The following GMDS variants were observed in gnomAD, a reference collection of about 807,000 sequenced individuals.
GMDS encodes the protein GDP-mannose 4,6 dehydratase.
GMDS carries 20 observed loss-of-function variants against 49.9 expected under a neutral mutation model. That is an observed-to-expected ratio of 0.40 (90% CI 0.28 to 0.58). GMDS has a LOEUF of 0.58. GMDS is among the 20% of genes least tolerant of loss of function. The pLI is 0.42. For missense variants in GMDS, 362 were observed against 481.4 expected, an observed-to-expected ratio of 0.75 and a Z score of 2.32; for synonymous variants, 177 against 178.6, an observed-to-expected ratio of 0.99 and a Z score of 0.07.
intron 7 of GMDS, among the ~76,000 whole-genome samples, chr6:1,768,250 A>G (rs1396013313): frequency 6.6e-6 from 1 of 152,250 alleles, no homozygotes; most frequent in Non-Finnish European, 1.5e-5. Context: ...ACAATGTCAT[A>G]GAGACATGCT....
intron 9 of GMDS, among the ~76,000 whole-genome samples, chr6:1,650,307 G>GA (rs35471224): frequency 0.03 from 4,452 of 147,832 alleles, 81 homozygotes; most frequent in Non-Finnish European, 0.046. Context: ...TCATGCCCAG[G>GA]AAAAAAAAAA....
chr6:1,756,265 GT>G (rs142574141), intron 7 of GMDS, among the ~76,000 whole-genome samples: 169 of 140,310 alleles, frequency 1.2e-3, no homozygotes, highest in Admixed American at 1.6e-3. Context: ...TTTTGTTCTG[GT>G]TTTTTTTTTT....
chr6:1,999,130 T>A (rs966863001), intron 4 of GMDS, among the ~76,000 whole-genome samples: 3 of 152,074 alleles, frequency 2.0e-5, no homozygotes, highest in Non-Finnish European at 4.4e-5. Context: ...GAGACCAGCC[T>A]GGCCAACATG....
intron 7 of GMDS, among the ~76,000 whole-genome samples, chr6:1,853,379 G>A (rs1404105634): frequency 2.0e-5 from 3 of 150,298 alleles, no homozygotes; most frequent in Admixed American, 1.3e-4. Flanking sequence ...TTAGCCGGGC[G>A]TGGTAGCGGG....
chr6:1,942,965 ACT>A (rs771227113), intron 6 of GMDS, among the ~76,000 whole-genome samples: 1 of 151,936 alleles, frequency 6.6e-6, no homozygotes, highest in African/African-American at 2.4e-5. Context: ...CTTTGCCCTG[ACT>A]CTCTTCCTGC....
intron 4 of GMDS, among the ~76,000 whole-genome samples, chr6:1,990,100 T>C (rs1228783764): frequency 1.3e-5 from 2 of 152,098 alleles, no homozygotes; most frequent in Non-Finnish European, 1.5e-5. Flanking sequence ...ATCGAGACCA[T>C]CTTGGCTAAT....
intron 9 of GMDS, 39 bp from the exon 10 acceptor site, chr6:1,624,579 G>A (rs928877115): frequency 2.8e-6 from 4 of 1,417,704 alleles, no homozygotes; most frequent in Non-Finnish European, 4.0e-6. Flanking sequence ...GGCGTGGGTC[G>A]TGGGGGTGGG....
chr6:1,990,535 A>G (rs934649433), intron 4 of GMDS, among the ~76,000 whole-genome samples: 1 of 152,166 alleles, frequency 6.6e-6, no homozygotes, highest in African/African-American at 2.4e-5. Flanking sequence ...ACATAGTGGA[A>G]CATACCCCCT....
chr6:1,685,361 T>C (rs988825855), intron 9 of GMDS, among the ~76,000 whole-genome samples: 3 of 152,100 alleles, frequency 2.0e-5, no homozygotes, highest in Non-Finnish European at 2.9e-5. Context: ...CGAGACTCCA[T>C]CTCAAAAACA....
chr6:2,101,709 T>C (rs1773938320), intron 4 of GMDS, among the ~76,000 whole-genome samples: 1 of 152,078 alleles, frequency 6.6e-6, no homozygotes, highest in Non-Finnish European at 1.5e-5. Context: ...AGCGCCAAAA[T>C]TGAACTTTAG....
At chr6:1,651,799 A>C in intron 9 of GMDS, among the ~76,000 whole-genome samples, 1 of 152,132 alleles carries the variant, frequency 6.6e-6, no homozygotes. Flanking sequence ...GTGTATGCAA[A>C]AGCCCTACAC....
intron 9 of GMDS, among the ~76,000 whole-genome samples, chr6:1,661,150 C>T (rs1257916146): frequency 6.6e-6 from 1 of 152,162 alleles, no homozygotes; most frequent in Non-Finnish European, 1.5e-5. Flanking sequence ...AAAACTGCTA[C>T]GGAGCGCTGT....
intron 1 of GMDS, among the ~76,000 whole-genome samples, chr6:2,134,292 T>C (rs1775884976): frequency 6.6e-6 from 1 of 152,258 alleles, no homozygotes; most frequent in Non-Finnish European, 1.5e-5. Flanking sequence ...TGCTTTCTTT[T>C]GCCAACAGCA....
chr6:2,034,669 G>A (rs544663681), intron 4 of GMDS, among the ~76,000 whole-genome samples: 6 of 152,268 alleles, frequency 3.9e-5, no homozygotes, highest in South Asian at 4.1e-4. Flanking sequence ...CTCAAAGTAC[G>A]GTCTGGAAGT....
intron 9 of GMDS, among the ~76,000 whole-genome samples, chr6:1,644,215 G>A (rs115168431): frequency 0.018 from 2,708 of 152,270 alleles, 70 homozygotes; most frequent in African/African-American, 0.06. Context: ...GCCCTCCACC[G>A]CCAGGGGAGA....
rs528056643 is a variant in GMDS, at chr6:1,948,992, A to G, written c.643+10875T>C. ...TGGCACTGCAGCGTTCACATTTCTCACTGTCCTCTTATGCCAGTAGCCACA... is the reference window on the plus strand; with the variant it reads ...TGGCACTGCAGCGTTCACATTTCTCGCTGTCCTCTTATGCCAGTAGCCACA... On this transcript the variant is annotated intron_variant, in intron 6 of 10. Coordinates refer to ENST00000380815, the MANE Select transcript of GMDS (RefSeq NM_001500.4). 1.3e-5 allele frequency: 9 copies of G among 719,094 alleles called. No individual in the cohort carries two copies. In the African/African-American group the frequency reaches 1.3e-4, roughly 11 times the overall value. 44.5% of individuals were successfully genotyped at this position (719,094 alleles called of 1,614,324 possible).
At chr6:1,731,150 T>C (rs1225616594) in intron 8 of GMDS, among the ~76,000 whole-genome samples, 1 of 152,164 alleles carries the variant, frequency 6.6e-6, no homozygotes, top group Non-Finnish European at 1.5e-5. Flanking sequence ...AGAGATGATT[T>C]CGAAGATACA....
intron 4 of GMDS, among the ~76,000 whole-genome samples, chr6:2,070,699 T>C (rs988005605): frequency 2.0e-5 from 3 of 152,170 alleles, no homozygotes; most frequent in African/African-American, 7.2e-5. Flanking sequence ...CCCAGTGCAC[T>C]TGACCTCACT....
At chr6:2,138,883 A>G (rs1015897362) in intron 1 of GMDS, among the ~76,000 whole-genome samples, 1 of 152,146 alleles carries the variant, frequency 6.6e-6, no homozygotes, top group Non-Finnish European at 1.5e-5. Context: ...TGCAAATGAG[A>G]TTCATCATGA....
Sources: allele counts gnomAD v4.1 joint callset (sites outside exome capture counted in the v4.1 genomes callset), GRCh38; gene constraint gnomAD v4.1.1; transcripts MANE v1.5; gene names NCBI Gene and HGNC (gene_info 2026-07-23, HGNC 2026-07-21).